The following DLD variants were observed in gnomAD, a reference collection of about 807,000 sequenced individuals.
DLD encodes the protein dihydrolipoamide dehydrogenase.
Under a neutral mutation model 62.2 loss-of-function variants are expected in DLD, and 36 were observed. The ratio of observed to expected loss-of-function variants is 0.58; its 90% CI spans 0.44 to 0.76. The LOEUF is 0.76. Among genes scored for constraint, DLD ranks in the 30% least tolerant of loss-of-function variants. The probability of loss-of-function intolerance (pLI) is 0.00; values close to 1 mark genes in which losing one functional copy is unlikely to be tolerated. For synonymous variants in DLD, 204 were observed against 199.6 expected (o/e 1.02, Z -0.19); for missense variants, 541 against 608.6 (o/e 0.89, Z 1.17).
intron 2 of DLD, among the ~76,000 whole-genome samples, chr7:107,897,574 CTTTTTTTTTTTTTT>C (rs35546358): frequency 2.7e-5 from 3 of 111,354 alleles, no homozygotes; most frequent in Non-Finnish European, 5.5e-5. Context: ...TGTAGACTGA[CTTTTTTTTTTTTTT>C]TTTTTTTTGA....
chr7:107,898,533 G>A (rs530069065), intron 2 of DLD, among the ~76,000 whole-genome samples: 18 of 151,400 alleles, frequency 1.2e-4, no homozygotes, highest in Non-Finnish European at 2.1e-4. Flanking sequence ...CACCTGCCTC[G>A]GCCTCCCAAA....
chr7:107,904,104 G>T (rs1461170725), intron 5 of DLD, among the ~76,000 whole-genome samples: 1 of 152,160 alleles, frequency 6.6e-6, no homozygotes, highest in Non-Finnish European at 1.5e-5. Context: ...TTCTGGGCAG[G>T]ACCTAGTCAT....
At chr7:107,897,779 A>T (rs191505308) in intron 2 of DLD, among the ~76,000 whole-genome samples, 125 of 151,972 alleles carry the variant, frequency 8.2e-4, no homozygotes, top group African/African-American at 2.8e-3. Context: ...GGGTTTCACC[A>T]TGTTGGCCTG....
At chr7:107,916,524 T>C (rs2032272772) in intron 9 of DLD, among the ~76,000 whole-genome samples, 2 of 151,856 alleles carry the variant, frequency 1.3e-5, no homozygotes, top group South Asian at 4.2e-4. Context: ...ATACAAAAAT[T>C]AGCTGGGCGT....
At chr7:107,912,637 A>G (rs1039380436) in intron 8 of DLD, among the ~76,000 whole-genome samples, 1 of 152,090 alleles carries the variant, frequency 6.6e-6, no homozygotes, top group African/African-American at 2.4e-5. Flanking sequence ...CTTTTGAGAA[A>G]TGTCTATTCG....
chr7:107,917,004 A>G (rs1391770948), intron 10 of DLD, 40 bp downstream of exon 10: 1 of 1,597,100 alleles, frequency 6.3e-7, no homozygotes, highest in East Asian at 2.2e-5. Flanking sequence ...TAATTTTAAA[A>G]TTGATTTCAA....
chr7:107,917,804 T>C (rs1394582631), intron 11 of DLD, 120 bp from the exon 12 acceptor site: 2 of 1,302,020 alleles, frequency 1.5e-6, no homozygotes, highest in Non-Finnish European at 2.2e-6. Flanking sequence ...TTTCCTTCTA[T>C]GTGCTTTGCG....
intron 1 of DLD, 85 bp downstream of exon 1, chr7:107,891,374 T>G: frequency 1.4e-6 from 2 of 1,452,732 alleles, no homozygotes; most frequent in East Asian, 2.4e-5. Context: ...TTAACCGTGT[T>G]GGGCTGGCGG....
At chr7:107,918,343 C>T (rs1047252735) in intron 12 of DLD, among the ~76,000 whole-genome samples, 7 of 152,190 alleles carry the variant, frequency 4.6e-5, no homozygotes, top group African/African-American at 1.7e-4. Flanking sequence ...CAGATTGTTA[C>T]ATCCAAGGCC....
chr7:107,909,839 CTTTTTTTTTT>C (rs71134292), intron 8 of DLD, among the ~76,000 whole-genome samples: 4 of 73,052 alleles, frequency 5.5e-5, no homozygotes, highest in Non-Finnish European at 7.0e-5. Flanking sequence ...GGAGAATTAA[CTTTTTTTTTT>C]TTTTTTTTTT....
intron 2 of DLD, among the ~76,000 whole-genome samples, chr7:107,896,914 G>A (rs2031741004): frequency 6.6e-6 from 1 of 151,362 alleles, no homozygotes; most frequent in Non-Finnish European, 1.5e-5. Flanking sequence ...TTGGCTCACT[G>A]CAACTCCACC....
chr7:107,899,127 C>T (rs2031811500), intron 2 of DLD, among the ~76,000 whole-genome samples: 1 of 152,052 alleles, frequency 6.6e-6, no homozygotes, highest in Non-Finnish European at 1.5e-5. Context: ...CACATATGTG[C>T]TCATTCGTTT....
At chr7:107,915,950 A>C (rs993941310) in intron 9 of DLD, among the ~76,000 whole-genome samples, 6 of 152,176 alleles carry the variant, frequency 3.9e-5, no homozygotes, top group African/African-American at 1.4e-4. Flanking sequence ...TTAAATTCCC[A>C]ATAATAAGTA....
At chr7:107,905,883 C>T (rs2031993755) in intron 7 of DLD, 2 of 320,816 alleles carry the variant, frequency 6.2e-6, no homozygotes, top group East Asian at 1.6e-4. Flanking sequence ...ACATTTATCT[C>T]TTCATATCCT....
intron 2 of DLD, among the ~76,000 whole-genome samples, chr7:107,897,510 C>A (rs769862786): frequency 6.6e-6 from 1 of 151,210 alleles, no homozygotes; most frequent in Non-Finnish European, 1.5e-5. Flanking sequence ...AGACAGTACA[C>A]GTGACTGGCT....
intron 2 of DLD, among the ~76,000 whole-genome samples, chr7:107,900,775 A>T (rs1277743238): frequency 2.0e-5 from 3 of 152,144 alleles, no homozygotes; most frequent in Non-Finnish European, 4.4e-5. Flanking sequence ...CTCATAGGAA[A>T]TTCTGAGACT....
Position 107,916,950 on chromosome 7 carries a change from A to G in DLD, c.1032A>G (p.Gln344=), listed in dbSNP as rs762641521. The G allele has an allele frequency of 3.7e-6, 6 of 1,613,868 alleles. No individual in the cohort carries two copies. The highest frequency in any genetic ancestry group is 1.6e-4 in the Middle Eastern group (1 of 6,084). ...GAATTCCAGTCAATACCAGATTTCA[A>G]ACTAAAATTCCAAAGTAAGTTGGAT... ...RGRIPVNTRF[Q]TKIPNIYAIG... is the part of the protein sequence containing the mutation. The change falls in exon 10 of 14, where the codon CAA becomes CAG. Residue 344 remains glutamine, a synonymous_variant. Coordinates refer to ENST00000205402, the MANE Select transcript of DLD (RefSeq NM_000108.5).
intron 8 of DLD, among the ~76,000 whole-genome samples, chr7:107,908,469 A>G (rs1471857904): frequency 6.6e-6 from 1 of 151,682 alleles, no homozygotes; most frequent in Non-Finnish European, 1.5e-5. Context: ...AGAGTTTGAG[A>G]CTAGCCTGGG....
intron 9 of DLD, among the ~76,000 whole-genome samples, chr7:107,916,110 A>G (rs1181192638): frequency 6.6e-6 from 1 of 152,218 alleles, no homozygotes; most frequent in Non-Finnish European, 1.5e-5. Flanking sequence ...TAAATAGTTA[A>G]TAGTATTTAA....
Sources: allele counts gnomAD v4.1 joint callset (sites outside exome capture counted in the v4.1 genomes callset), GRCh38; gene constraint gnomAD v4.1.1; transcripts MANE v1.5; gene names NCBI Gene and HGNC (gene_info 2026-07-23, HGNC 2026-07-21).